Variants in XPO7 observed in about 807,000 individuals in gnomAD.
The protein encoded by XPO7 is exportin-7.
A neutral mutation model predicts 144.3 loss-of-function variants in XPO7; 21 were observed. The observed-to-expected ratio is 0.15, with a 90% CI of 0.10 to 0.21. The LOEUF (loss-of-function observed/expected upper bound fraction) is 0.21. XPO7 is among the 10% of genes least tolerant of loss of function. The pLI is 1.00. For synonymous variants in XPO7, 580 were observed against 499.6 expected (o/e 1.16, Z -2.15); for missense variants, 808 against 1,325.8 (o/e 0.61, Z 6.06).
chr8:21,990,731 C>G (rs1428287355), intron 17 of XPO7, 80 bp from the exon 18 acceptor site: 7 of 1,394,634 alleles, frequency 5.0e-6, no homozygotes, highest in African/African-American at 2.9e-5. Context: ...TGAAAGGGCT[C>G]AGTAATTCTC....
chr8:21,981,995 A>G (rs972467188), intron 10 of XPO7, 118 bp downstream of exon 10: 4 of 1,319,808 alleles, frequency 3.0e-6, no homozygotes, highest in African/African-American at 1.5e-5. Context: ...AGTCCAGTAT[A>G]GCCCTACAGA....
At position 21,967,001 on chromosome 8, in the gene XPO7, A is replaced by C. The variant is rs763501722; in HGVS notation, c.163A>C (p.Ser55Arg). 6.2e-7 allele frequency: 1 copy of C among 1,612,764 alleles called. No homozygotes were observed. The highest frequency in any genetic ancestry group is 8.5e-7 in the Non-Finnish European group (1 of 1,179,292). ...SKCQLLLERG[S>R]SSYSQLLAAT... Reference sequence around the variant, plus strand: ...GTGCCAGCTACTCCTCGAAAGAGGAAGTGTGCGTAAGATCTGAAAATCCTA... The same window carrying C: ...GTGCCAGCTACTCCTCGAAAGAGGACGTGTGCGTAAGATCTGAAAATCCTA... The change falls in exon 2 of 28, where the codon AGT (serine) becomes CGT (arginine). Residue 55 changes from serine to arginine, a missense_variant and splice_region_variant. Around this residue, in one of 5 missense-constraint regions of XPO7, gnomAD observed 223 missense variants for 368.8 expected, o/e 0.60. Coordinates refer to ENST00000252512, the MANE Select transcript of XPO7 (RefSeq NM_015024.5).
In XPO7 at chr8:22,005,213, C is replaced by G; in HGVS notation, c.*125C>G. 1 of 694,186 alleles carries G rather than the reference C, an allele frequency of 1.4e-6. No homozygotes were observed. Among genetic ancestry groups the G allele is most frequent in the Non-Finnish European group, 2.3e-6 (1 of 432,652 alleles). 43.0% of individuals were successfully genotyped at this position (694,186 alleles called of 1,614,324 possible). On this transcript the variant is annotated 3_prime_UTR_variant, in exon 28 of 28. Coordinates refer to ENST00000252512, the MANE Select transcript of XPO7 (RefSeq NM_015024.5). ...TTCTCCAGGGGTGTGGGGAAAATGG[C>G]AAAGGTCAACTAGCTGCTTCCCCAG...
chr8:21,981,166 T>A (rs1812397325), intron 9 of XPO7, among the ~76,000 whole-genome samples: 1 of 152,190 alleles, frequency 6.6e-6, no homozygotes, highest in Non-Finnish European at 1.5e-5. Flanking sequence ...AACTTACAAT[T>A]AAATATACTG....
intron 26 of XPO7, 60 bp from the exon 27 acceptor site, chr8:22,003,843 G>A (rs1033114081): frequency 8.7e-6 from 14 of 1,605,690 alleles, no homozygotes; most frequent in Admixed American, 3.4e-5. Context: ...TGCAGATGAC[G>A]GAGGGCTAAT....
intron 1 of XPO7, among the ~76,000 whole-genome samples, chr8:21,938,074 G>C (rs909784547): frequency 6.6e-6 from 1 of 151,764 alleles, no homozygotes; most frequent in Non-Finnish European, 1.5e-5. Flanking sequence ...AAATTATTTT[G>C]ATTTTAATGT....
chr8:21,919,790 T>C lies in XPO7; in HGVS notation c.18+2T>C. ...AGCAAAATGGCGGATCATGTGCAGG[T>C]GAGAGGAGCCGCGGGGGGGAGGGGG... On this transcript the variant is annotated splice_donor_variant, in intron 1 of 27. Transcript: ENST00000252512. LOFTEE classifies it high-confidence loss of function. 2.1e-6 allele frequency: 1 copy of C among 481,454 alleles called. No homozygotes were observed. The highest frequency in any genetic ancestry group is 3.1e-6 in the Non-Finnish European group (1 of 317,932). 29.8% of individuals were successfully genotyped at this position (481,454 alleles called of 1,614,324 possible). A position where few individuals can be genotyped will look rare whatever the true frequency, so the allele number is the denominator to read the frequency against.
At chr8:21,990,445 A>C in intron 17 of XPO7, 38 bp downstream of exon 17, 1 of 1,605,042 alleles carries the variant, frequency 6.2e-7, no homozygotes, top group Non-Finnish European at 8.5e-7. Context: ...CCCTCCTACC[A>C]CCCACACATA....
At chr8:21,931,397 A>C (rs566717949) in intron 1 of XPO7, among the ~76,000 whole-genome samples, 1 of 152,136 alleles carries the variant, frequency 6.6e-6, no homozygotes, top group African/African-American at 2.4e-5. Context: ...TCTTGACCTC[A>C]GCCTCCCAAA....
chr8:21,995,636 C>G, intron 21 of XPO7, 37 bp downstream of exon 21: 1 of 1,485,962 alleles, frequency 6.7e-7, no homozygotes, highest in South Asian at 1.2e-5. Flanking sequence ...GCACATCTGC[C>G]CTGTTATCTG....
chr8:21,972,889 C>T (rs1260484634), intron 5 of XPO7, among the ~76,000 whole-genome samples: 3 of 152,138 alleles, frequency 2.0e-5, no homozygotes, highest in Non-Finnish European at 4.4e-5. Context: ...ATTGGGAGTC[C>T]ATGTTGTGTT....
chr8:21,990,481 A>G, intron 17 of XPO7, 74 bp downstream of exon 17: 1 of 1,537,102 alleles, frequency 6.5e-7, no homozygotes, highest in Non-Finnish European at 9.0e-7. Flanking sequence ...TAAAGGAGAT[A>G]TGTAAACTGA....
intron 13 of XPO7, among the ~76,000 whole-genome samples, chr8:21,986,756 G>A (rs1812593079): frequency 6.6e-6 from 1 of 152,206 alleles, no homozygotes; most frequent in South Asian, 2.1e-4. Context: ...CACTCATGAT[G>A]TGTCACAAAT....
chr8:21,959,809 T>G (rs140325185), intron 1 of XPO7, among the ~76,000 whole-genome samples: 1 of 152,288 alleles, frequency 6.6e-6, no homozygotes, highest in Non-Finnish European at 1.5e-5. Flanking sequence ...ACAAAATGCA[T>G]TTACTTTACC....
chr8:21,938,599 C>T (rs978828661), intron 1 of XPO7, among the ~76,000 whole-genome samples: 7 of 152,166 alleles, frequency 4.6e-5, no homozygotes, highest in African/African-American at 1.7e-4. Flanking sequence ...AGGTTCACCT[C>T]TGCTCCTTTT....
At chr8:21,988,449 A>G (rs1585472730) in intron 15 of XPO7, 3 of 156,278 alleles carry the variant, frequency 1.9e-5, no homozygotes, top group Admixed American at 6.2e-5. Context: ...CAATTTATCA[A>G]AGCACACACT....
intron 1 of XPO7, among the ~76,000 whole-genome samples, chr8:21,950,184 T>C (rs1371696212): frequency 2.0e-5 from 3 of 152,244 alleles, no homozygotes; most frequent in Non-Finnish European, 4.4e-5. Flanking sequence ...CTTTTACGTT[T>C]CTGAAGAGAG....
At chr8:21,946,836 A>G (rs1340169099) in intron 1 of XPO7, among the ~76,000 whole-genome samples, 1 of 152,146 alleles carries the variant, frequency 6.6e-6, no homozygotes, top group African/African-American at 2.4e-5. Context: ...TATCAGAAAG[A>G]AAACATCACC....
chr8:21,941,189 G>C (rs1810979697), intron 1 of XPO7, among the ~76,000 whole-genome samples: 1 of 150,938 alleles, frequency 6.6e-6, no homozygotes, highest in Admixed American at 6.6e-5. Context: ...GCAGGCTGGA[G>C]TGCAGTGGCA....
Sources: allele counts gnomAD v4.1 joint callset (sites outside exome capture counted in the v4.1 genomes callset), GRCh38; gene constraint gnomAD v4.1.1; regional missense constraint gnomAD v4.1.1; transcripts MANE v1.5; gene names NCBI Gene and HGNC (gene_info 2026-07-23, HGNC 2026-07-21).